The following VPS13D variants were observed in gnomAD, a reference collection of about 807,000 sequenced individuals.
VPS13D encodes intermembrane lipid transfer protein VPS13D.
In VPS13D, 187 loss-of-function variants were observed where a neutral mutation model predicts 461.9. The ratio of observed to expected loss-of-function variants is 0.40; its 90% confidence interval spans 0.36 to 0.46. The LOEUF (loss-of-function observed/expected upper bound fraction) is 0.46. VPS13D is among the 20% of genes least tolerant of loss of function. VPS13D has a pLI of 0.60. For missense variants in VPS13D, 4,711 were observed against 5,364.9 expected (o/e 0.88, Z 3.81); for synonymous variants, 1,951 against 1,986.3 (o/e 0.98, Z 0.47).
At chr1:12,501,722 T>C (rs1646038189) in intron 68 of VPS13D, among the ~76,000 whole-genome samples, 1 of 152,270 alleles carries the variant, frequency 6.6e-6, no homozygotes. Context: ...AAGCAGACAC[T>C]GTATTACCAA....
At chr1:12,256,009 A>G (rs1640910124) in intron 7 of VPS13D, among the ~76,000 whole-genome samples, 1 of 152,154 alleles carries the variant, frequency 6.6e-6, no homozygotes, top group South Asian at 2.1e-4. Flanking sequence ...TATTGATTAG[A>G]TAACATACCA....
At chr1:12,323,853 T>G in intron 35 of VPS13D, 73 bp downstream of exon 35, 1 of 1,492,668 alleles carries the variant, frequency 6.7e-7, no homozygotes, top group Non-Finnish European at 9.3e-7. Flanking sequence ...CTCTCTTACT[T>G]CCACAAGGTG....
At chr1:12,437,840 C>T (rs1327538272) in intron 65 of VPS13D, among the ~76,000 whole-genome samples, 1 of 152,154 alleles carries the variant, frequency 6.6e-6, no homozygotes, top group Non-Finnish European at 1.5e-5. Context: ...GATGTTTTCC[C>T]TGCGCTCAAA....
chr1:12,481,825 C>A (rs72869511), intron 67 of VPS13D, among the ~76,000 whole-genome samples: 1 of 152,212 alleles, frequency 6.6e-6, no homozygotes, highest in Non-Finnish European at 1.5e-5. Flanking sequence ...TCCAGATGTT[C>A]TCTCTCCCTA....
At chr1:12,290,339 A>G (rs1213547611) in intron 22 of VPS13D, among the ~76,000 whole-genome samples, 1 of 152,198 alleles carries the variant, frequency 6.6e-6, no homozygotes, top group African/African-American at 2.4e-5. Context: ...GAGTATAATT[A>G]ATAGACCTAA....
At chr1:12,371,048 T>A (rs1292794979) in intron 54 of VPS13D, among the ~76,000 whole-genome samples, 4 of 152,236 alleles carry the variant, frequency 2.6e-5, no homozygotes, top group African/African-American at 4.8e-5. Context: ...AGTTTTTTTT[T>A]AATTTTGTTT....
chr1:12,233,055 G>A (rs899568212), intron 1 of VPS13D, among the ~76,000 whole-genome samples: 1 of 151,348 alleles, frequency 6.6e-6, no homozygotes, highest in African/African-American at 2.4e-5. Context: ...ACCCAGGCTG[G>A]AGTGCGGTGG....
In VPS13D at chr1:12,308,514, T is replaced by C. The variant is rs1328889595; in HGVS notation, c.6523T>C (p.Tyr2175His). The change falls in exon 27 of 70, where the codon TAC (tyrosine) becomes CAC (histidine). Residue 2175 changes from tyrosine to histidine, a missense_variant. Tyr to His is a moderately conservative substitution (Grantham distance 83). This residue lies in a region of VPS13D where 4,411 missense variants were observed against 4,937.8 expected (regional missense o/e 0.89). Transcript: ENST00000620676. The part of the protein sequence containing the change: ...IFAAERHPRE[Y>H]SKAPEDSSGD... ...TGCTGCAGAGAGACATCCGAGAGAATACTCGAAGGCACCAGAGGATAGTAG... is the reference window on the plus strand; with the variant it reads ...TGCTGCAGAGAGACATCCGAGAGAACACTCGAAGGCACCAGAGGATAGTAG... 1.2e-6 allele frequency: 2 copies of C among 1,614,154 alleles called. No homozygotes were observed. Among genetic ancestry groups the C allele is most frequent in the South Asian group, 2.2e-5 (2 of 91,078 alleles).
At chr1:12,270,642 C>G (rs1399700918) in intron 16 of VPS13D, among the ~76,000 whole-genome samples, 2 of 152,180 alleles carry the variant, frequency 1.3e-5, no homozygotes, top group East Asian at 3.9e-4. Context: ...TGTCCATTCA[C>G]TTACGCTTTT....
At chr1:12,391,868 TA>T (rs1230255722) in intron 60 of VPS13D, among the ~76,000 whole-genome samples, 28 of 152,284 alleles carry the variant, frequency 1.8e-4, no homozygotes, top group African/African-American at 5.5e-4. Context: ...TTTTTTTAAA[TA>T]TTTTTTTTGA....
intron 67 of VPS13D, among the ~76,000 whole-genome samples, chr1:12,489,639 C>T (rs956705771): frequency 6.6e-6 from 1 of 152,166 alleles, no homozygotes; most frequent in Non-Finnish European, 1.5e-5. Context: ...TTGGATGTTA[C>T]ACCCTAGCCC....
intron 2 of VPS13D, among the ~76,000 whole-genome samples, chr1:12,238,095 A>G (rs964049358): frequency 1.3e-5 from 2 of 151,516 alleles, no homozygotes; most frequent in Admixed American, 1.3e-4. Flanking sequence ...TGGAGGCTGC[A>G]GTGAGCTGCG....
chr1:12,236,682 C>T (rs1376447640), intron 2 of VPS13D, among the ~76,000 whole-genome samples: 3 of 152,068 alleles, frequency 2.0e-5, no homozygotes, highest in Non-Finnish European at 4.4e-5. Context: ...TGCACCCGGC[C>T]GAGAATGTCA....
chr1:12,469,852 T>G (rs1378554549), intron 67 of VPS13D, among the ~76,000 whole-genome samples: 2 of 152,188 alleles, frequency 1.3e-5, no homozygotes, highest in Non-Finnish European at 2.9e-5. Flanking sequence ...GTAGAGCAGA[T>G]TACTTCAAAG....
chr1:12,448,413 T>C (rs1645221333), intron 65 of VPS13D, among the ~76,000 whole-genome samples: 1 of 152,174 alleles, frequency 6.6e-6, no homozygotes, highest in Admixed American at 6.5e-5. Flanking sequence ...ATATTCCCCA[T>C]GGCCAGTGCT....
At chr1:12,343,399 C>A (rs1345547698) in intron 42 of VPS13D, among the ~76,000 whole-genome samples, 1 of 152,032 alleles carries the variant, frequency 6.6e-6, no homozygotes, top group African/African-American at 2.4e-5. Context: ...GTCTCAAAAT[C>A]CTGACCTCAA....
chr1:12,289,708 C>G (rs1337084858), intron 22 of VPS13D, among the ~76,000 whole-genome samples: 1 of 151,812 alleles, frequency 6.6e-6, no homozygotes, highest in African/African-American at 2.4e-5. Context: ...AATCCTAGCA[C>G]TTTGGGAGGC....
At chr1:12,386,098 G>GT in intron 59 of VPS13D, 87 bp from the exon 60 acceptor site, 4 of 1,444,446 alleles carry the variant, frequency 2.8e-6, no homozygotes, top group Non-Finnish European at 3.7e-6. Context: ...GTAGAGGAAT[G>GT]TAAAATGCTT....
At chr1:12,431,835 AAAACTTTT>A (rs1192302158) in intron 65 of VPS13D, among the ~76,000 whole-genome samples, 1 of 152,098 alleles carries the variant, frequency 6.6e-6, no homozygotes, top group Non-Finnish European at 1.5e-5. Flanking sequence ...AAACCCATGC[AAAACTTTT>A]GCATCTCTCC....
Sources: gnomAD v4.1 joint callset for allele counts (sites outside exome capture counted in the v4.1 genomes callset) on GRCh38, gnomAD v4.1.1 for gene constraint, gnomAD v4.1.1 regional missense constraint, MANE v1.5 for transcripts, NCBI Gene and HGNC (gene_info 2026-07-23, HGNC 2026-07-21) for gene names.